Variants in ELAVL4 observed in about 807,000 individuals in gnomAD.
ELAVL4 encodes the protein ELAV-like protein 4.
Under a neutral mutation model 35.6 loss-of-function variants are expected in ELAVL4, and 1 was observed. That is an observed-to-expected ratio of 0.03 (90% CI 0.01 to 0.13). The LOEUF is 0.13. ELAVL4 is among the 10% of genes least tolerant of loss of function. ELAVL4 has a pLI of 1.00. For missense variants in ELAVL4, 267 were observed against 464.9 expected, an observed-to-expected ratio of 0.57 and a Z score of 3.91; for synonymous variants, 156 against 171.0, an observed-to-expected ratio of 0.91 and a Z score of 0.69.
At chr1:50,083,836 T>C (rs899847823) in intron 1 of ELAVL4, among the ~76,000 whole-genome samples, 1 of 152,218 alleles carries the variant, frequency 6.6e-6, no homozygotes, top group Non-Finnish European at 1.5e-5. Flanking sequence ...TTTTGCATTT[T>C]GTAAAGAACC....
chr1:50,164,273 T>C (rs1677339347), intron 2 of ELAVL4, among the ~76,000 whole-genome samples: 1 of 152,202 alleles, frequency 6.6e-6, no homozygotes, highest in African/African-American at 2.4e-5. Context: ...CCTACTGCTC[T>C]AGCATCCTCA....
chr1:50,194,003 T>C (rs533948842), intron 4 of ELAVL4, 85 bp downstream of exon 4: 1 of 1,503,890 alleles, frequency 6.6e-7, no homozygotes, highest in Admixed American at 1.9e-5. Context: ...TGATGGCTGC[T>C]TAAAGCAGAT....
In ELAVL4 at chr1:50,195,575, G is replaced by C; in HGVS notation, c.523G>C (p.Val175Leu). 1 of 1,614,154 alleles carries C rather than the reference G, an allele frequency of 6.2e-7. No individual in the cohort carries two copies. The highest frequency in any genetic ancestry group is 8.5e-7 in the Non-Finnish European group (1 of 1,179,994). ...VDQVTGVSRG[V>L]GFIRFDKRIE... ...TCTTTCCCCAGGAGTGTCCAGAGGG[G>C]TGGGATTCATCCGCTTTGATAAGAG... is the stretch of plus-strand genomic sequence containing the variant. The change falls in exon 5 of 7, where the codon GTG becomes CTG. Residue 175 changes from valine to leucine, a missense_variant. By Grantham distance (32) the Val-to-Leu change is conservative. Coordinates refer to ENST00000371824, the MANE Select transcript of ELAVL4 (RefSeq NM_001144774.3).
intron 1 of ELAVL4, among the ~76,000 whole-genome samples, chr1:50,064,784 A>G (rs1157483905): frequency 6.6e-6 from 1 of 152,126 alleles, no homozygotes; most frequent in Non-Finnish European, 1.5e-5. Context: ...CTGGAATCTG[A>G]CTGTTTATTC....
At chr1:50,094,742 C>CAGTAAATAAATA (rs146234147) in intron 1 of ELAVL4, among the ~76,000 whole-genome samples, 1 of 135,522 alleles carries the variant, frequency 7.4e-6, no homozygotes, top group Non-Finnish European at 1.6e-5. Flanking sequence ...CCTGTCTCTA[C>CAGTAAATAAATA]AATAAATAAA....
intron 1 of ELAVL4, among the ~76,000 whole-genome samples, chr1:50,134,709 A>G (rs2148654187): frequency 6.6e-6 from 1 of 152,290 alleles, no homozygotes; most frequent in South Asian, 2.1e-4. Context: ...CCATTTTGGA[A>G]AGGAGAACCG....
intron 2 of ELAVL4, among the ~76,000 whole-genome samples, chr1:50,166,115 A>G (rs898920091): frequency 9.2e-5 from 14 of 151,870 alleles, no homozygotes; most frequent in African/African-American, 3.4e-4. Flanking sequence ...GCCTTTGTTA[A>G]TCTCTTTTGG....
At chr1:50,066,018 A>T (rs1262928916) in intron 1 of ELAVL4, among the ~76,000 whole-genome samples, 1 of 152,212 alleles carries the variant, frequency 6.6e-6, no homozygotes, top group African/African-American at 2.4e-5. Flanking sequence ...GCCAAAGCAG[A>T]TGACAAGACC....
At chr1:50,176,177 C>G (rs1464777279) in intron 2 of ELAVL4, among the ~76,000 whole-genome samples, 1 of 152,230 alleles carries the variant, frequency 6.6e-6, no homozygotes, top group East Asian at 1.9e-4. Context: ...CTTGCTACCT[C>G]TCTTTGCAGA....
chr1:50,091,151 T>A (rs1281122186), intron 1 of ELAVL4, among the ~76,000 whole-genome samples: 1 of 152,150 alleles, frequency 6.6e-6, no homozygotes, highest in African/African-American at 2.4e-5. Context: ...GTTCTTGGAG[T>A]AGAAATAGAA....
intron 1 of ELAVL4, among the ~76,000 whole-genome samples, chr1:50,096,093 T>G (rs1665706276): frequency 6.6e-6 from 1 of 152,102 alleles, no homozygotes; most frequent in Non-Finnish European, 1.5e-5. Flanking sequence ...AGAGGCCATA[T>G]CTCAGCCTGC....
chr1:50,108,919 C>A (rs1177123456), upstream of ELAVL4: 1 of 1,108,080 alleles, frequency 9.0e-7, no homozygotes, highest in South Asian at 3.9e-5. Flanking sequence ...GGGGAAGCTT[C>A]GAGCCAATTT....
At chr1:50,120,852 G>A (rs12036887) in intron 1 of ELAVL4, among the ~76,000 whole-genome samples, 99 of 152,170 alleles carry the variant, frequency 6.5e-4, no homozygotes, top group Non-Finnish European at 1.1e-3. Context: ...CAGGTCTCCA[G>A]TGCTCATTTT....
intron 3 of ELAVL4, among the ~76,000 whole-genome samples, chr1:50,189,628 G>GT (rs199716129): frequency 2.6e-5 from 4 of 152,068 alleles, no homozygotes. Flanking sequence ...TTTTTTGGGG[G>GT]TTTTTTTCCG....
intron 1 of ELAVL4, among the ~76,000 whole-genome samples, chr1:50,059,908 T>C (rs192678204): frequency 1.4e-3 from 208 of 152,228 alleles, no homozygotes; most frequent in Admixed American, 3.9e-3. Flanking sequence ...GATAAATCTA[T>C]AGTGTCAAGG....
chr1:50,058,067 TC>T (rs1663771884), intron 1 of ELAVL4, among the ~76,000 whole-genome samples: 1 of 152,218 alleles, frequency 6.6e-6, no homozygotes, highest in African/African-American at 2.4e-5. Flanking sequence ...GTTATTTTTT[TC>T]TGATTTTTGA....
chr1:50,177,046 G>GTCTCTCTCTCCCTTTC, intron 2 of ELAVL4, 43 bp from the exon 3 acceptor site: 1 of 1,514,318 alleles, frequency 6.6e-7, no homozygotes, highest in Non-Finnish European at 9.2e-7. Flanking sequence ...CTCTCTGTCT[G>GTCTCTCTCTCCCTTTC]TCTCTCTCTC....
At chr1:50,199,485 C>T (rs1236740122) in intron 6 of ELAVL4, among the ~76,000 whole-genome samples, 1 of 152,192 alleles carries the variant, frequency 6.6e-6, no homozygotes, top group Non-Finnish European at 1.5e-5. Flanking sequence ...GTGGGTGGAT[C>T]ACCTGAGGTC....
chr1:50,109,079 A>T lies in ELAVL4; in HGVS notation c.-111A>T. 1 of 1,065,642 alleles carries T rather than the reference A, an allele frequency of 9.4e-7. No homozygotes were observed. The allele number at this position is 1,065,642 out of a possible 1,614,324, so 66.0% of individuals were successfully genotyped here. ...CAATCATCCACACTGTGTTTTGTGG[A>T]TCTTTAATTATATATAACAATAGTA... On this transcript the variant is annotated 5_prime_UTR_variant, in exon 1 of 7. Transcript: ENST00000371824.
Sources: allele counts gnomAD v4.1 joint callset (sites outside exome capture counted in the v4.1 genomes callset), GRCh38; gene constraint gnomAD v4.1.1; transcripts MANE v1.5; gene names NCBI Gene and HGNC (gene_info 2026-07-23, HGNC 2026-07-21).